Variants in KALRN observed in about 807,000 individuals in gnomAD.
KALRN encodes the protein kalirin.
Under a neutral mutation model 353.7 loss-of-function variants are expected in KALRN, and 70 were observed. The ratio of observed to expected loss-of-function variants is 0.20; its 90% CI spans 0.16 to 0.24. The LOEUF is 0.24. KALRN is among the 10% of genes least tolerant of loss of function. The probability of loss-of-function intolerance (pLI) is 1.00; values close to 1 mark genes in which losing one functional copy is unlikely to be tolerated. For synonymous variants in KALRN, 1,391 were observed against 1,434.8 expected (o/e 0.97, Z 0.69); for missense variants, 2,791 against 3,756.7 (o/e 0.74, Z 6.72).
intron 23 of KALRN, among the ~76,000 whole-genome samples, chr3:124,461,585 A>G (rs1040731727): frequency 1.3e-5 from 2 of 152,156 alleles, no homozygotes; most frequent in African/African-American, 4.8e-5. Flanking sequence ...ACTCACATGA[A>G]TATCACCACA....
At chr3:124,623,770 A>G (rs1166946246) in intron 34 of KALRN, among the ~76,000 whole-genome samples, 1 of 152,084 alleles carries the variant, frequency 6.6e-6, no homozygotes, top group African/African-American at 2.4e-5. Flanking sequence ...CTTCAATCCA[A>G]TCAGGTTGAT....
rs61433741 is a variant in KALRN at position 124,540,140 on chromosome 3, C to T, written c.4936-22703C>T. The stretch of plus-strand genomic sequence containing the variant: ...TTTGCCATGTTGCCCAGGCTGGTCT[C>T]AAACTCCTGTGCTCAAGCATTCCGC... On this transcript the variant is annotated intron_variant, in intron 33 of 59. Transcript: ENST00000682506. Among the ~76,000 whole-genome samples the T allele has an allele frequency of 9.2e-3, 1,407 of 152,278 alleles. 31 individuals carry two copies. Among genetic ancestry groups the T allele is most frequent in the African/African-American group, 0.033 (1,360 of 41,554 alleles).
chr3:124,243,155 T>C (rs1443584307), intron 3 of KALRN, among the ~76,000 whole-genome samples: 2 of 152,196 alleles, frequency 1.3e-5, no homozygotes, highest in Non-Finnish European at 2.9e-5. Flanking sequence ...AGAAGTACAA[T>C]TCTGGAATTA....
intron 7 of KALRN, 74 bp downstream of exon 7, chr3:124,326,245 A>G: frequency 2.4e-6 from 3 of 1,268,658 alleles, no homozygotes; most frequent in Non-Finnish European, 3.3e-6. Context: ...GCTGGATGGG[A>G]GCACACACAC....
At position 124,268,838 on chromosome 3, in the gene KALRN, G is replaced by T. The variant is rs763739407; in HGVS notation, c.552G>T (p.Glu184Asp). Reference protein sequence around the residue: ...FDGSLDYNHEEWIELRLSLEE... With the variant: ...FDGSLDYNHEDWIELRLSLEE... ...GCTCCCTGGACTACAACCATGAGGA[G>T]TGGATCGAACTGCGGCTCTCCCTGG... The change falls in exon 5 of 60, where the codon GAG (glutamate) becomes GAT (aspartate). Residue 184 changes from glutamate to aspartate, a missense_variant. By Grantham distance (45) the Glu-to-Asp change is conservative. Around this residue, in one of 11 missense-constraint regions of KALRN, gnomAD observed 366 missense variants for 489.2 expected, o/e 0.75. Coordinates refer to ENST00000682506, the MANE Select transcript of KALRN (RefSeq NM_001388419.1). 8 of 1,614,054 alleles carry T rather than the reference G, an allele frequency of 5.0e-6. No individual in the cohort carries two copies. In the South Asian group the frequency reaches 8.8e-5, roughly 18 times the overall value.
At chr3:124,219,476 G>C (rs1441040156) in intron 1 of KALRN, among the ~76,000 whole-genome samples, 1 of 152,194 alleles carries the variant, frequency 6.6e-6, no homozygotes, top group African/African-American at 2.4e-5. Context: ...AAGGCTGCCC[G>C]ACCTAGTTAT....
chr3:124,088,449 A>G (rs1017033004), intron 1 of KALRN, among the ~76,000 whole-genome samples: 1 of 152,220 alleles, frequency 6.6e-6, no homozygotes, highest in South Asian at 2.1e-4. Context: ...AAGGGCAGGT[A>G]GAGAAGCCTG....
At chr3:124,628,902 C>G (rs1392762808) in intron 34 of KALRN, among the ~76,000 whole-genome samples, 1 of 151,954 alleles carries the variant, frequency 6.6e-6, no homozygotes, top group Non-Finnish European at 1.5e-5. Context: ...ATCCTTTCAC[C>G]CTATTTCAGG....
intron 25 of KALRN, among the ~76,000 whole-genome samples, chr3:124,470,534 T>A (rs11314992): frequency 0.017 from 2,511 of 146,114 alleles, 79 homozygotes; most frequent in East Asian, 0.095. Context: ...ATAGGTTTTT[T>A]AAAAAAAAAA....
rs143399940 is a variant in KALRN, at chr3:124,724,729, C to T, written c.*5259C>T. On this transcript the variant is annotated 3_prime_UTR_variant, in exon 60 of 60. Coordinates refer to ENST00000682506, the MANE Select transcript of KALRN (RefSeq NM_001388419.1). ...GCAGAAGTAGTAGAATACAGATTAT[C>T]ATAAAACATATTTTCTATGAAAGGC... is the stretch of plus-strand genomic sequence containing the variant. 37 of 152,196 alleles carry T rather than the reference C, an allele frequency of 2.4e-4. No homozygotes were observed. The East Asian group carries it at 7.1e-3, about 29-fold the overall frequency. The allele number at this position is 152,196 out of a possible 1,614,324, so 9.4% of individuals were successfully genotyped here. A position where few individuals can be genotyped will look rare whatever the true frequency, so the allele number is the denominator to read the frequency against.
At chr3:124,425,883 A>G (rs921237591) in intron 15 of KALRN, among the ~76,000 whole-genome samples, 4 of 152,188 alleles carry the variant, frequency 2.6e-5, no homozygotes, top group Admixed American at 6.5e-5. Context: ...GTGGACTAAT[A>G]TCTATATACA....
chr3:124,068,657 A>G (rs2042578976), intron 1 of KALRN, among the ~76,000 whole-genome samples: 1 of 152,202 alleles, frequency 6.6e-6, no homozygotes, highest in African/African-American at 2.4e-5. Context: ...CTGCCCTGCC[A>G]TGTCTGGAGA....
At chr3:124,223,233 G>T (rs547001894) in intron 1 of KALRN, among the ~76,000 whole-genome samples, 2 of 151,976 alleles carry the variant, frequency 1.3e-5, no homozygotes, top group African/African-American at 2.4e-5. Context: ...CATAGTAAGT[G>T]GTCAATATAG....
intron 34 of KALRN, among the ~76,000 whole-genome samples, chr3:124,628,687 T>C (rs2080385190): frequency 6.6e-6 from 1 of 151,370 alleles, no homozygotes; most frequent in South Asian, 2.1e-4. Flanking sequence ...ACTGTTCTCA[T>C]GCCTCAGCCT....
intron 6 of KALRN, among the ~76,000 whole-genome samples, chr3:124,324,429 AT>A (rs1357779611): frequency 6.6e-6 from 1 of 152,162 alleles, no homozygotes; most frequent in African/African-American, 2.4e-5. Context: ...ATAGAGTTTA[AT>A]TTTCAGTAGA....
intron 51 of KALRN, 47 bp downstream of exon 51, chr3:124,679,564 T>C: frequency 2.7e-6 from 4 of 1,497,718 alleles, no homozygotes; most frequent in Non-Finnish European, 2.8e-6. Context: ...ATTGCCTTTT[T>C]TGATGTGTTC....
In KALRN at chr3:124,269,010, G is replaced by A; in HGVS notation, c.724G>A (p.Ala242Thr). Residue 242 changes from alanine (A) to threonine (T), a missense_variant, in exon 5 of 60, where the codon GCC (alanine) becomes ACC (threonine). Coordinates refer to ENST00000682506, the MANE Select transcript of KALRN (RefSeq NM_001388419.1). Reference sequence around the variant, plus strand: ...ACAGCTCAAGAAAAAGGTGCTGAAGGCCCCTGTGGAGGAGCTGGACCGGGA... The same window carrying A: ...ACAGCTCAAGAAAAAGGTGCTGAAGACCCCTGTGGAGGAGCTGGACCGGGA... ...HTQLKKKVLK[A>T]PVEELDREGQ... is the part of the protein sequence containing the mutation. 6.2e-7 allele frequency: 1 copy of A among 1,613,944 alleles called. No homozygotes were observed. The highest frequency in any genetic ancestry group is 8.5e-7 in the Non-Finnish European group (1 of 1,179,962).
intron 13 of KALRN, among the ~76,000 whole-genome samples, chr3:124,411,530 C>T (rs764675983): frequency 7.3e-6 from 1 of 136,730 alleles, no homozygotes; most frequent in Non-Finnish European, 1.5e-5. Context: ...CAACCTTGAA[C>T]TCCTGGGCTC....
intron 1 of KALRN, among the ~76,000 whole-genome samples, chr3:124,166,896 T>C (rs558692175): frequency 6.6e-6 from 1 of 151,730 alleles, no homozygotes; most frequent in Non-Finnish European, 1.5e-5. Context: ...AAATACAAAA[T>C]TAGCCAGTCC....
Sources: gnomAD v4.1 joint callset for allele counts (sites outside exome capture counted in the v4.1 genomes callset) on GRCh38, gnomAD v4.1.1 for gene constraint, gnomAD v4.1.1 regional missense constraint, MANE v1.5 for transcripts, NCBI Gene and HGNC (gene_info 2026-07-23, HGNC 2026-07-21) for gene names.